The following TIAM1 variants were observed in gnomAD, a reference collection of about 807,000 sequenced individuals.
The protein encoded by TIAM1 is TIAM Rac1 associated GEF 1, also known as rho guanine nucleotide exchange factor TIAM1.
In TIAM1, 65 loss-of-function variants were observed where a neutral mutation model predicts 163.5. That is an observed-to-expected ratio of 0.40 (90% CI 0.33 to 0.49). The LOEUF (loss-of-function observed/expected upper bound fraction) is 0.49, where lower values mean the gene tolerates loss of function less well. Ranked by LOEUF, TIAM1 falls within the 20% of genes least tolerant of loss-of-function variation. The pLI is 0.77. For missense variants in TIAM1, 1,789 were observed against 2,044.7 expected (o/e 0.87, Z 2.41); for synonymous variants, 833 against 810.1 (o/e 1.03, Z -0.48).
At chr21:31,301,368 C>T (rs556284467) in intron 2 of TIAM1, among the ~76,000 whole-genome samples, 23 of 152,226 alleles carry the variant, frequency 1.5e-4, no homozygotes, top group Admixed American at 1.4e-3. Context: ...AATAACAGCC[C>T]GTAACTATGG....
At chr21:31,351,034 T>C (rs748387992) in intron 2 of TIAM1, among the ~76,000 whole-genome samples, 1 of 152,230 alleles carries the variant, frequency 6.6e-6, no homozygotes, top group East Asian at 1.9e-4. Context: ...TCCACTAACA[T>C]AGGCATTTGA....
intron 2 of TIAM1, among the ~76,000 whole-genome samples, chr21:31,317,378 G>A (rs2075162739): frequency 2.0e-5 from 3 of 152,304 alleles, no homozygotes; most frequent in East Asian, 1.9e-4. Flanking sequence ...GCTTGAACTC[G>A]GGAGGCGGAG....
At chr21:31,169,481 G>C (rs929196395) in intron 15 of TIAM1, among the ~76,000 whole-genome samples, 7 of 152,140 alleles carry the variant, frequency 4.6e-5, no homozygotes, top group Non-Finnish European at 8.8e-5. Context: ...TGACTTACTA[G>C]AGCTCCTAAA....
intron 25 of TIAM1, among the ~76,000 whole-genome samples, chr21:31,127,657 C>A (rs1429983661): frequency 6.6e-6 from 1 of 152,102 alleles, no homozygotes; most frequent in African/African-American, 2.4e-5. Flanking sequence ...ATCTCATGAT[C>A]CACCCGCCTC....
intron 2 of TIAM1, among the ~76,000 whole-genome samples, chr21:31,420,673 G>A (rs1203564224): frequency 6.6e-6 from 1 of 152,294 alleles, no homozygotes; most frequent in South Asian, 2.1e-4. Context: ...GTCCAGCAGA[G>A]TAGAATTGCT....
intron 2 of TIAM1, among the ~76,000 whole-genome samples, chr21:31,309,237 C>T (rs2074832386): frequency 6.6e-6 from 1 of 152,152 alleles, no homozygotes; most frequent in Non-Finnish European, 1.5e-5. Flanking sequence ...GTGGACAAAT[C>T]ACCTGTGGTC....
chr21:31,351,617 C>T (rs1005788100), intron 2 of TIAM1, among the ~76,000 whole-genome samples: 7 of 152,142 alleles, frequency 4.6e-5, no homozygotes, highest in African/African-American at 1.7e-4. Flanking sequence ...TCTGACTCAC[C>T]AGCAGCCAGC....
chr21:31,127,271 C>A, intron 25 of TIAM1, 119 bp from the exon 26 acceptor site: 2 of 851,668 alleles, frequency 2.3e-6, no homozygotes, highest in South Asian at 1.7e-5. Flanking sequence ...TGTATAAGAT[C>A]AAAGATATTT....
chr21:31,138,308 C>T (rs549803464), intron 22 of TIAM1, among the ~76,000 whole-genome samples: 4 of 152,178 alleles, frequency 2.6e-5, no homozygotes, highest in African/African-American at 9.7e-5. Flanking sequence ...TCTTTGCCAG[C>T]TTTGTTCTCT....
chr21:31,343,357 C>T (rs1479031997), intron 1 of TIAM1, among the ~76,000 whole-genome samples: 1 of 152,306 alleles, frequency 6.6e-6, no homozygotes, highest in Non-Finnish European at 1.5e-5. Flanking sequence ...TAAGTTTATC[C>T]TTTGCTGGGA....
intron 1 of TIAM1, among the ~76,000 whole-genome samples, chr21:31,509,666 C>T (rs2047147189): frequency 6.6e-6 from 1 of 152,196 alleles, no homozygotes; most frequent in Non-Finnish European, 1.5e-5. Flanking sequence ...GGAGTTAAGA[C>T]AGTTCCAATG....
At chr21:31,123,466 C>T (rs2082074364) in intron 27 of TIAM1, among the ~76,000 whole-genome samples, 1 of 152,206 alleles carries the variant, frequency 6.6e-6, no homozygotes, top group Admixed American at 6.5e-5. Context: ...GTTCACTGCA[C>T]TAAGTTTTCA....
chr21:31,529,259 A>G (rs533700113), intron 1 of TIAM1, among the ~76,000 whole-genome samples: 27 of 152,228 alleles, frequency 1.8e-4, no homozygotes, highest in Admixed American at 1.6e-3. Context: ...CTTGAGTCCA[A>G]TGGGGAAAGG....
At chr21:31,309,659 G>A (rs957292703) in intron 2 of TIAM1, among the ~76,000 whole-genome samples, 3 of 152,120 alleles carry the variant, frequency 2.0e-5, no homozygotes, top group Non-Finnish European at 2.9e-5. Context: ...TGAAAAAAAT[G>A]AAGATGTGGC....
chr21:31,151,440 G>A (rs1316847423), intron 19 of TIAM1, among the ~76,000 whole-genome samples: 3 of 152,148 alleles, frequency 2.0e-5, no homozygotes, highest in Admixed American at 1.3e-4. Flanking sequence ...GTACAACTAC[G>A]CTGAGTGGAA....
chr21:31,146,393 G>C (rs2083106914), intron 20 of TIAM1, among the ~76,000 whole-genome samples: 1 of 120,788 alleles, frequency 8.3e-6, no homozygotes, highest in Non-Finnish European at 1.7e-5. Context: ...GACAGAGCAA[G>C]GCTCTGTGTC....
chr21:31,333,864 G>T (rs1043832064), intron 2 of TIAM1, among the ~76,000 whole-genome samples: 9 of 152,112 alleles, frequency 5.9e-5, no homozygotes, highest in African/African-American at 2.2e-4. Context: ...CCCAACAAAT[G>T]ATTTGTTGAA....
Position 31,500,810 on chromosome 21 carries a change from C to T in TIAM1, c.-421-36775G>A, listed in dbSNP as rs575528003. Among the ~76,000 whole-genome samples the T allele has an allele frequency of 3.3e-5, 5 of 152,160 alleles. No homozygotes were observed. The East Asian group carries it at 7.7e-4, about 24-fold the overall frequency. ...AGCCGTCAGAATGAACCTACCTGGC[C>T]GACATCTTGATTTTGGACTTCTGGC... On this transcript the variant is annotated intron_variant, in intron 1 of 28. Transcript: ENST00000286827.
intron 6 of TIAM1, among the ~76,000 whole-genome samples, chr21:31,229,006 T>C (rs991823493): frequency 2.0e-5 from 3 of 152,128 alleles, no homozygotes; most frequent in African/African-American, 4.8e-5. Flanking sequence ...CATGATTCAA[T>C]TACCTTCCAA....
Sources: allele counts gnomAD v4.1 joint callset (sites outside exome capture counted in the v4.1 genomes callset), GRCh38; gene constraint gnomAD v4.1.1; transcripts MANE v1.5; gene names NCBI Gene and HGNC (gene_info 2026-07-23, HGNC 2026-07-21).